CEP135: variants seen among roughly 807,000 people sequenced by gnomAD.
CEP135 encodes the protein centrosomal protein 135.
Under a neutral mutation model 157.3 loss-of-function variants are expected in CEP135, and 142 were observed. That is an observed-to-expected ratio of 0.90 (90% CI 0.79 to 1.04). CEP135 has a LOEUF of 1.04. Among genes scored for constraint, CEP135 ranks in the 50% least tolerant of loss-of-function variants. The pLI is 0.00. For missense variants in CEP135, 1,317 were observed against 1,309.2 expected (o/e 1.01, Z -0.09); for synonymous variants, 396 against 439.8 (o/e 0.90, Z 1.25).
At chr4:55,987,281 C>T (rs984103677) in intron 14 of CEP135, among the ~76,000 whole-genome samples, 1 of 152,122 alleles carries the variant, frequency 6.6e-6, no homozygotes, top group African/African-American at 2.4e-5. Flanking sequence ...GTGGTTCTTT[C>T]CCTGGCCTTG....
intron 18 of CEP135, among the ~76,000 whole-genome samples, chr4:56,009,068 T>A (rs976775940): frequency 2.6e-5 from 4 of 151,904 alleles, no homozygotes; most frequent in South Asian, 2.1e-4. Flanking sequence ...TCAGCTAATT[T>A]AAAAAAAAAT....
intron 14 of CEP135, among the ~76,000 whole-genome samples, chr4:55,988,854 G>A (rs1424089310): frequency 4.0e-5 from 6 of 151,056 alleles, no homozygotes; most frequent in East Asian, 2.0e-4. Context: ...CCAGCTACTC[G>A]GGAGGCTGAG....
intron 18 of CEP135, 134 bp downstream of exon 18, chr4:56,008,516 TTTC>T: frequency 1.5e-6 from 1 of 667,610 alleles, no homozygotes; most frequent in South Asian, 1.9e-5. Flanking sequence ...GTAGCATCAT[TTTC>T]TCAGTCTCCA....
At position 56,032,269 on chromosome 4, in the gene CEP135, A is replaced by C. The variant is rs946923126; in HGVS notation, c.*921A>C. 1 of 151,948 alleles carries C rather than the reference A, an allele frequency of 6.6e-6. No individual in the cohort carries two copies. Among genetic ancestry groups the C allele is most frequent in the African/African-American group, 2.4e-5 (1 of 41,366 alleles). The allele number at this position is 151,948 out of a possible 1,614,324, so 9.4% of individuals were successfully genotyped here. A position where few individuals can be genotyped will look rare whatever the true frequency, so the allele number is the denominator to read the frequency against. ...AGACCAGCCTGAGCAATGTGGTGAA[A>C]CCCCATCTCTACTAAAAATACAAAA... On this transcript the variant is annotated 3_prime_UTR_variant, in exon 26 of 26. Coordinates refer to ENST00000257287, the MANE Select transcript of CEP135 (RefSeq NM_025009.5).
rs1264688720 is a variant in CEP135, at chr4:55,999,527, A to G, written c.2162A>G (p.Glu721Gly). 23 of 1,611,130 alleles carry G rather than the reference A, an allele frequency of 1.4e-5. No homozygotes were observed. Among genetic ancestry groups the G allele is most frequent in the Non-Finnish European group, 1.8e-5 (21 of 1,179,410 alleles). ...LNLKMTSQDEEAHVMKKTIGV... is the reference protein window; with the variant it reads ...LNLKMTSQDEGAHVMKKTIGV... ...CTTAAGATGACTTCACAGGATGAGG[A>G]GGCTCATGTAATGAAAAAGACCATT... is the stretch of plus-strand genomic sequence containing the variant. The change falls in exon 17 of 26, where the codon GAG (glutamate) becomes GGG (glycine). Residue 721 changes from glutamate to glycine, a missense_variant. By Grantham distance (98) the Glu-to-Gly change is moderately conservative. Transcript: ENST00000257287.
In CEP135 at chr4:55,981,264, C is replaced by A; in HGVS notation, c.1664C>A (p.Thr555Asn). 6.3e-7 allele frequency: 1 copy of A among 1,595,976 alleles called. No homozygotes were observed. The highest frequency in any genetic ancestry group is 1.2e-5 in the South Asian group (1 of 85,862). The change falls in exon 13 of 26, where the codon ACC becomes AAC. Residue 555 changes from threonine (T) to asparagine (N), a missense_variant. Thr to Asn is a moderately conservative substitution (Grantham distance 65, BLOSUM62 0). Coordinates refer to ENST00000257287, the MANE Select transcript of CEP135 (RefSeq NM_025009.5). Reference protein sequence around the residue: ...EELSALRKESTQTTAPHNIVS... With the variant: ...EELSALRKESNQTTAPHNIVS... The stretch of plus-strand genomic sequence containing the variant: ...TTATCTGCCCTAAGAAAGGAATCCA[C>A]CCAAACCACAGCACCCCATAATATT...
chr4:55,962,425 C>G (rs1033212686), intron 6 of CEP135, among the ~76,000 whole-genome samples: 10 of 152,058 alleles, frequency 6.6e-5, no homozygotes, highest in African/African-American at 2.4e-4. Context: ...CTACCTCCCC[C>G]TCTTGAGGAT....
At chr4:55,974,697 A>G (rs751855319) in intron 10 of CEP135, 49 bp from the exon 11 acceptor site, 19 of 1,372,394 alleles carry the variant, frequency 1.4e-5, no homozygotes, top group South Asian at 3.9e-5. Flanking sequence ...TGACTAATCA[A>G]CATTATGTAT....
intron 13 of CEP135, among the ~76,000 whole-genome samples, chr4:55,984,996 G>A (rs996592210): frequency 1.3e-5 from 2 of 152,082 alleles, no homozygotes; most frequent in African/African-American, 4.8e-5. Context: ...TGCTATTATG[G>A]ATTAATCTGT....
intron 11 of CEP135, among the ~76,000 whole-genome samples, chr4:55,977,882 G>A (rs1443063508): frequency 6.6e-6 from 1 of 152,112 alleles, no homozygotes; most frequent in Non-Finnish European, 1.5e-5. Context: ...ATTATTTGCT[G>A]GTTCAAAGCA....
intron 17 of CEP135, 131 bp downstream of exon 17, chr4:55,999,776 C>T (rs1274709470): frequency 2.4e-6 from 2 of 841,576 alleles, no homozygotes; most frequent in Non-Finnish European, 3.6e-6. Flanking sequence ...CACTGCAACC[C>T]CTATCTCTTG....
chr4:56,021,118 CAA>C (rs1730961015), intron 24 of CEP135, among the ~76,000 whole-genome samples: 1 of 152,168 alleles, frequency 6.6e-6, no homozygotes, highest in African/African-American at 2.4e-5. Context: ...AAAAGTATTT[CAA>C]AGAGTATAGA....
intron 24 of CEP135, 90 bp downstream of exon 24, chr4:56,020,870 A>T (rs1468611246): frequency 6.3e-6 from 6 of 947,068 alleles, no homozygotes; most frequent in African/African-American, 1.7e-5. Flanking sequence ...ACAAATAACA[A>T]ACTTTTTAAA....
At chr4:55,983,871 C>T (rs1474879257) in intron 13 of CEP135, among the ~76,000 whole-genome samples, 1 of 152,108 alleles carries the variant, frequency 6.6e-6, no homozygotes, top group Non-Finnish European at 1.5e-5. Context: ...CTCCGAGTTA[C>T]AGTGAGTTTA....
chr4:56,013,640 AT>A (rs1216947001), intron 21 of CEP135, among the ~76,000 whole-genome samples: 11 of 152,186 alleles, frequency 7.2e-5, no homozygotes, highest in African/African-American at 2.7e-4. Context: ...ATAATAAAAA[AT>A]TTGAGTTCAG....
intron 25 of CEP135, among the ~76,000 whole-genome samples, chr4:56,029,793 A>G (rs1731279680): frequency 6.6e-6 from 1 of 152,190 alleles, no homozygotes; most frequent in Non-Finnish European, 1.5e-5. Context: ...GGTTTAAAAG[A>G]TAACAAATGG....
Position 55,953,288 on chromosome 4 carries a change from T to C in CEP135, c.304+13T>C. 1 of 1,474,894 alleles carries C rather than the reference T, an allele frequency of 6.8e-7. No homozygotes were observed. Among genetic ancestry groups the C allele is most frequent in the Non-Finnish European group, 9.0e-7 (1 of 1,109,344 alleles). 91.4% of individuals were successfully genotyped at this position (1,474,894 alleles called of 1,614,324 possible). A position where few individuals can be genotyped will look rare whatever the true frequency, so the allele number is the denominator to read the frequency against. On this transcript the variant is annotated intron_variant, in intron 3 of 25. Coordinates refer to ENST00000257287, the MANE Select transcript of CEP135 (RefSeq NM_025009.5). ...CAACACGTTAAAGGTAAGTGAAAATTTGATAATTTTTAAAATGCAATGTCT... is the reference window on the plus strand; with the variant it reads ...CAACACGTTAAAGGTAAGTGAAAATCTGATAATTTTTAAAATGCAATGTCT...
intron 25 of CEP135, among the ~76,000 whole-genome samples, chr4:56,029,643 T>C (rs1160149186): frequency 6.6e-6 from 1 of 152,174 alleles, no homozygotes; most frequent in African/African-American, 2.4e-5. Flanking sequence ...TATAGCCTAC[T>C]GCATACCCAG....
At chr4:55,989,629 C>G (rs1226869056) in intron 14 of CEP135, among the ~76,000 whole-genome samples, 1 of 152,134 alleles carries the variant, frequency 6.6e-6, no homozygotes, top group Admixed American at 6.5e-5. Flanking sequence ...ATTTAATCCC[C>G]CTCCCCTGAA....
Sources: allele counts gnomAD v4.1 joint callset (sites outside exome capture counted in the v4.1 genomes callset), GRCh38; gene constraint gnomAD v4.1.1; transcripts MANE v1.5; gene names NCBI Gene and HGNC (gene_info 2026-07-23, HGNC 2026-07-21).